SNX13: variants seen among roughly 807,000 people sequenced by gnomAD.
The protein encoded by SNX13 is sorting nexin-13.
A neutral mutation model predicts 133.6 loss-of-function variants in SNX13; 45 were observed. The ratio of observed to expected loss-of-function variants is 0.34; its 90% confidence interval spans 0.27 to 0.43. The LOEUF (loss-of-function observed/expected upper bound fraction) is 0.43, where lower values mean the gene tolerates loss of function less well. Among genes scored for constraint, SNX13 ranks in the 20% least tolerant of loss-of-function variants. The probability of loss-of-function intolerance (pLI) is 1.00; values close to 1 mark genes in which losing one functional copy is unlikely to be tolerated. For missense variants in SNX13, 1,032 were observed against 1,145.1 expected (o/e 0.90, Z 1.43); for synonymous variants, 414 against 373.9 (o/e 1.11, Z -1.24).
chr7:17,805,250 T>TGTGTGTGTGTGTGTGTGTGCGCGCGC, intron 20 of SNX13, among the ~76,000 whole-genome samples: 18 of 95,580 alleles, frequency 1.9e-4, no homozygotes, highest in African/African-American at 4.7e-4. Flanking sequence ...TGTGTGTGTG[T>TGTGTGTGTGTGTGTGTGTGCGCGCGC]GCGTGCGCGC....
intron 7 of SNX13, among the ~76,000 whole-genome samples, chr7:17,874,171 G>A (rs560004566): frequency 1.3e-5 from 2 of 152,220 alleles, no homozygotes; most frequent in East Asian, 1.9e-4. Flanking sequence ...CAAAGAGTCT[G>A]AACTGCTCAG....
intron 20 of SNX13, among the ~76,000 whole-genome samples, chr7:17,807,275 G>A (rs1785415664): frequency 6.6e-6 from 1 of 152,074 alleles, no homozygotes; most frequent in African/African-American, 2.4e-5. Context: ...GGTGGGGGGA[G>A]GGGCGCCCAG....
At chr7:17,861,036 G>A (rs1792611762) in intron 9 of SNX13, among the ~76,000 whole-genome samples, 2 of 151,668 alleles carry the variant, frequency 1.3e-5, no homozygotes, top group Admixed American at 6.6e-5. Context: ...TTTTTTTTGT[G>A]ATGGGGTCTT....
At chr7:17,805,281 G>A (rs147420229) in intron 20 of SNX13, among the ~76,000 whole-genome samples, 2,154 of 144,794 alleles carry the variant, frequency 0.015, 54 homozygotes, top group African/African-American at 0.051. Context: ...ATGCACATGT[G>A]TAATTCTAAT....
At chr7:17,796,543 C>A in intron 25 of SNX13, 1 of 274,526 alleles carries the variant, frequency 3.6e-6, no homozygotes. Context: ...GTCAGAATAC[C>A]AACTGTTGCT....
chr7:17,872,428 T>C (rs920233377), intron 8 of SNX13, among the ~76,000 whole-genome samples: 3 of 152,224 alleles, frequency 2.0e-5, no homozygotes, highest in Non-Finnish European at 1.5e-5. Flanking sequence ...ATACTCTGCA[T>C]GAACAAATGC....
At chr7:17,937,291 A>T (rs1384937617) in intron 1 of SNX13, among the ~76,000 whole-genome samples, 3 of 152,116 alleles carry the variant, frequency 2.0e-5, no homozygotes, top group Admixed American at 2.0e-4. Flanking sequence ...ATTTTAGCTT[A>T]ATATAAAATG....
At position 17,886,131 on chromosome 7, in the gene SNX13, T is replaced by C. The variant is rs181825351; in HGVS notation, c.440+4232A>G. Among the ~76,000 whole-genome samples, 11 of 152,184 alleles carry C rather than the reference T, an allele frequency of 7.2e-5. No homozygotes were observed. The East Asian group carries it at 1.9e-3, about 27-fold the overall frequency. ...TGGCAAAAGGTAGTAAGAAAATTGG[T>C]AAAACTTCAAGAACACATTCCCTAT... On this transcript the variant is annotated intron_variant, in intron 5 of 25. Coordinates refer to ENST00000428135, the MANE Select transcript of SNX13 (RefSeq NM_015132.5).
chr7:17,859,722 G>GT (rs1204912750), intron 9 of SNX13, among the ~76,000 whole-genome samples: 2 of 152,068 alleles, frequency 1.3e-5, no homozygotes, highest in African/African-American at 2.4e-5. Context: ...TTTACTAAGA[G>GT]TTTGACTACT....
chr7:17,909,494 T>C (rs1798730083), intron 1 of SNX13, among the ~76,000 whole-genome samples: 1 of 152,194 alleles, frequency 6.6e-6, no homozygotes, highest in African/African-American at 2.4e-5. Context: ...ATGTGGTACA[T>C]ATACACCATG....
chr7:17,795,134 A>C (rs1263348959), intron 25 of SNX13: 1 of 151,732 alleles, frequency 6.6e-6, no homozygotes, highest in African/African-American at 2.4e-5. Flanking sequence ...CAAAGTGAAG[A>C]AAGCAAAGAA....
intron 18 of SNX13, among the ~76,000 whole-genome samples, chr7:17,819,524 G>A (rs1787047104): frequency 1.3e-5 from 2 of 152,236 alleles, no homozygotes; most frequent in African/African-American, 2.4e-5. Context: ...ACCGCGCTTG[G>A]CATTGGAAAA....
chr7:17,839,175 C>T (rs939456764), intron 13 of SNX13, among the ~76,000 whole-genome samples: 12 of 148,388 alleles, frequency 8.1e-5, no homozygotes, highest in South Asian at 2.1e-4. Flanking sequence ...ATTCTATAGA[C>T]GCTATAGATT....
intron 11 of SNX13, among the ~76,000 whole-genome samples, chr7:17,847,384 T>C (rs1413329377): frequency 6.6e-6 from 1 of 152,022 alleles, no homozygotes; most frequent in Non-Finnish European, 1.5e-5. Flanking sequence ...CAGGCTGGAG[T>C]GCAATGGTGC....
At chr7:17,917,477 A>C (rs1010063329) in intron 1 of SNX13, among the ~76,000 whole-genome samples, 4 of 152,102 alleles carry the variant, frequency 2.6e-5, no homozygotes, top group African/African-American at 9.7e-5. Context: ...GGATACAAAA[A>C]TCAATATTAT....
At chr7:17,842,259 T>C (rs967528307) in intron 12 of SNX13, among the ~76,000 whole-genome samples, 5 of 152,068 alleles carry the variant, frequency 3.3e-5, no homozygotes, top group Non-Finnish European at 7.4e-5. Flanking sequence ...CAAAAGATTA[T>C]CAGCAGATTT....
intron 20 of SNX13, among the ~76,000 whole-genome samples, chr7:17,811,910 T>G (rs1181227022): frequency 6.6e-6 from 1 of 152,130 alleles, no homozygotes; most frequent in Admixed American, 6.5e-5. Context: ...GATTTTCTAT[T>G]TAATAAATGG....
intron 22 of SNX13, among the ~76,000 whole-genome samples, chr7:17,799,687 G>C (rs530920264): frequency 6.6e-6 from 1 of 151,766 alleles, no homozygotes; most frequent in South Asian, 2.1e-4. Flanking sequence ...CATTACAAAA[G>C]GCATAGTTTA....
At chr7:17,809,005 C>A (rs1211514510) in intron 20 of SNX13, among the ~76,000 whole-genome samples, 1 of 152,044 alleles carries the variant, frequency 6.6e-6, no homozygotes. Flanking sequence ...CAAAAACATG[C>A]CAAATTGTAA....
Sources: gnomAD v4.1 joint callset for allele counts (sites outside exome capture counted in the v4.1 genomes callset) on GRCh38, gnomAD v4.1.1 for gene constraint, MANE v1.5 for transcripts, NCBI Gene and HGNC (gene_info 2026-07-23, HGNC 2026-07-21) for gene names.